The following DLGAP2 variants were observed in gnomAD, a reference collection of about 807,000 sequenced individuals.
DLGAP2 encodes the protein DLG associated protein 2, also known as disks large-associated protein 2.
In DLGAP2, 26 loss-of-function variants were observed where a neutral mutation model predicts 100.3. The observed-to-expected ratio is 0.26, with a 90% CI of 0.19 to 0.36. The LOEUF (loss-of-function observed/expected upper bound fraction) is 0.36, where lower values mean the gene tolerates loss of function less well. DLGAP2 is among the 10% of genes least tolerant of loss of function. The probability of loss-of-function intolerance (pLI) is 1.00; values close to 1 mark genes in which losing one functional copy is unlikely to be tolerated. For synonymous variants in DLGAP2, 886 were observed against 630.1 expected, an observed-to-expected ratio of 1.41 and a Z score of -6.08; for missense variants, 1,858 against 1,453.2, an observed-to-expected ratio of 1.28 and a Z score of -4.53.
At chr8:1,370,094 C>A (rs186894329) in intron 3 of DLGAP2, among the ~76,000 whole-genome samples, 1 of 152,192 alleles carries the variant, frequency 6.6e-6, no homozygotes, top group Admixed American at 6.5e-5. Context: ...CCCTAGGCAG[C>A]TTTTCTCCCA....
chr8:920,975 TC>T (rs1353501649), intron 2 of DLGAP2, among the ~76,000 whole-genome samples: 1 of 152,090 alleles, frequency 6.6e-6, no homozygotes, highest in East Asian at 1.9e-4. Context: ...TATCATTCAT[TC>T]CCCGGGTGCT....
At chr8:964,601 G>A (rs192380593) in intron 2 of DLGAP2, among the ~76,000 whole-genome samples, 1 of 152,376 alleles carries the variant, frequency 6.6e-6, no homozygotes, top group East Asian at 1.9e-4. Flanking sequence ...GCCAGAGAGC[G>A]TGGCAAGTGT....
intron 3 of DLGAP2, among the ~76,000 whole-genome samples, chr8:1,439,571 A>G (rs970894110): frequency 6.6e-6 from 1 of 152,198 alleles, no homozygotes; most frequent in East Asian, 1.9e-4. Flanking sequence ...TCCCACGGCA[A>G]CACGGTCTCC....
Position 1,701,233 on chromosome 8 carries a change from G to T in DLGAP2, c.2995G>T (p.Gly999Trp). Residue 999 changes from glycine to tryptophan, a missense_variant, in exon 15 of 15, where the codon GGG becomes TGG. Gly to Trp is a radical substitution (Grantham distance 184). Transcript: ENST00000637795. ...TCCAATACCAAAGAAGCCTCCCAAG[G>T]GGAAGTTTCCCATCACAAGAGAAAA... ...PPPIPKKPPKGKFPITREKSL... is the reference protein window; with the variant it reads ...PPPIPKKPPKWKFPITREKSL... 6.3e-7 allele frequency: 1 copy of T among 1,577,860 alleles called. No homozygotes were observed. The highest frequency in any genetic ancestry group is 1.2e-5 in the South Asian group (1 of 85,984).
chr8:1,389,702 C>T (rs141266842), intron 3 of DLGAP2, among the ~76,000 whole-genome samples: 31 of 152,240 alleles, frequency 2.0e-4, no homozygotes, highest in South Asian at 6.2e-4. Flanking sequence ...TCCATGAGAA[C>T]GTCCTCCAAG....
At chr8:906,818 G>T (rs543145508) in intron 1 of DLGAP2, among the ~76,000 whole-genome samples, 4 of 152,190 alleles carry the variant, frequency 2.6e-5, no homozygotes, top group African/African-American at 9.7e-5. Context: ...CACAGCATTT[G>T]CTAGGTACTA....
chr8:1,331,727 T>C (rs1801162594), intron 3 of DLGAP2, among the ~76,000 whole-genome samples: 1 of 152,240 alleles, frequency 6.6e-6, no homozygotes, highest in South Asian at 2.1e-4. Context: ...CTTCCGACGT[T>C]TAAAACGTGT....
intron 1 of DLGAP2, among the ~76,000 whole-genome samples, chr8:867,287 G>A (rs1797516371): frequency 6.6e-6 from 1 of 152,212 alleles, no homozygotes; most frequent in Non-Finnish European, 1.5e-5. Flanking sequence ...GTTGGAATAT[G>A]TTGAACTCAA....
intron 2 of DLGAP2, among the ~76,000 whole-genome samples, chr8:1,163,619 C>G (rs566943557): frequency 3.3e-5 from 5 of 152,340 alleles, no homozygotes; most frequent in African/African-American, 9.6e-5. Context: ...ACCCCGGAAG[C>G]GCAGGGCCCG....
chr8:1,334,150 G>A (rs964616952), intron 3 of DLGAP2, among the ~76,000 whole-genome samples: 2 of 152,262 alleles, frequency 1.3e-5, no homozygotes, highest in African/African-American at 4.8e-5. Context: ...GAGCTCCTCA[G>A]TGAGGTTCTG....
chr8:1,328,566 G>A (rs1431883393), intron 3 of DLGAP2, among the ~76,000 whole-genome samples: 1 of 152,116 alleles, frequency 6.6e-6, no homozygotes, highest in Non-Finnish European at 1.5e-5. Context: ...GGCCAGGCTG[G>A]TCTTGAACTC....
chr8:1,138,795 C>T (rs1796468607), intron 2 of DLGAP2, among the ~76,000 whole-genome samples: 1 of 151,756 alleles, frequency 6.6e-6, no homozygotes, highest in Non-Finnish European at 1.5e-5. Flanking sequence ...CTGACCTGTG[C>T]AGCTGGTGGG....
At chr8:1,344,213 G>GTCTTT (rs1801502384) in intron 3 of DLGAP2, among the ~76,000 whole-genome samples, 1 of 152,158 alleles carries the variant, frequency 6.6e-6, no homozygotes, top group Non-Finnish European at 1.5e-5. Flanking sequence ...CCTGTCGTGG[G>GTCTTT]GCCTGTGCCG....
At chr8:1,589,256 G>A (rs778766510) in intron 6 of DLGAP2, among the ~76,000 whole-genome samples, 2 of 152,198 alleles carry the variant, frequency 1.3e-5, no homozygotes, top group Non-Finnish European at 1.5e-5. Flanking sequence ...TATAAGTACA[G>A]TTTTTCCAAT....
intron 2 of DLGAP2, among the ~76,000 whole-genome samples, chr8:1,023,867 G>GTGTGTGTGTGTT (rs1801700668): frequency 6.7e-6 from 1 of 149,706 alleles, no homozygotes; most frequent in Non-Finnish European, 1.5e-5. Flanking sequence ...ATGTGTGTGT[G>GTGTGTGTGTGTT]TGTGTGTGTG....
chr8:1,568,056 C>G (rs1457743274), intron 6 of DLGAP2, among the ~76,000 whole-genome samples: 1 of 151,850 alleles, frequency 6.6e-6, no homozygotes, highest in Non-Finnish European at 1.5e-5. Context: ...GCCCATGGCC[C>G]CCATGCCACT....
intron 1 of DLGAP2, among the ~76,000 whole-genome samples, chr8:790,359 A>G (rs538935657): frequency 6.6e-6 from 1 of 152,302 alleles, no homozygotes; most frequent in East Asian, 1.9e-4. Flanking sequence ...AACCAAAATG[A>G]AAAGATATTT....
At chr8:1,018,572 G>A (rs1235894636) in intron 2 of DLGAP2, among the ~76,000 whole-genome samples, 1 of 152,178 alleles carries the variant, frequency 6.6e-6, no homozygotes, top group East Asian at 1.9e-4. Context: ...GCCTGTGCTG[G>A]GCTTTAAGCA....
At chr8:958,412 G>T (rs973391021) in intron 2 of DLGAP2, among the ~76,000 whole-genome samples, 3 of 152,124 alleles carry the variant, frequency 2.0e-5, no homozygotes, top group African/African-American at 7.2e-5. Context: ...CATCTCCCTC[G>T]GGAATGACCT....
Sources: allele counts gnomAD v4.1 joint callset (sites outside exome capture counted in the v4.1 genomes callset), GRCh38; gene constraint gnomAD v4.1.1; transcripts MANE v1.5; gene names NCBI Gene and HGNC (gene_info 2026-07-23, HGNC 2026-07-21).